The following TMEM120B variants were observed in gnomAD, a reference collection of about 807,000 sequenced individuals.
TMEM120B encodes the protein transmembrane protein 120B.
A neutral mutation model predicts 55.5 loss-of-function variants in TMEM120B; 31 were observed. The observed-to-expected ratio is 0.56, with a 90% confidence interval of 0.42 to 0.75. The LOEUF is 0.75. Ranked by LOEUF, TMEM120B falls within the 30% of genes least tolerant of loss-of-function variation. The pLI is 0.00. For missense variants in TMEM120B, 399 were observed against 425.5 expected, an observed-to-expected ratio of 0.94 and a Z score of 0.55; for synonymous variants, 203 against 176.3, an observed-to-expected ratio of 1.15 and a Z score of -1.20.
chr12:121,770,054 C>A (rs998870532), intron 6 of TMEM120B, among the ~76,000 whole-genome samples: 1 of 152,128 alleles, frequency 6.6e-6, no homozygotes, highest in African/African-American at 2.4e-5. Context: ...GGTCTTGGAG[C>A]AGAGAGAGCA....
intron 1 of TMEM120B, among the ~76,000 whole-genome samples, chr12:121,721,288 C>T (rs1439654927): frequency 2.6e-5 from 4 of 151,696 alleles, no homozygotes; most frequent in Non-Finnish European, 4.4e-5. Context: ...AAGTGATTCT[C>T]CCTCTTCAGC....
At chr12:121,744,052 CTTTTT>C (rs535863726) in intron 2 of TMEM120B, among the ~76,000 whole-genome samples, 14 of 138,034 alleles carry the variant, frequency 1.0e-4, no homozygotes, top group African/African-American at 3.4e-4. Flanking sequence ...GAGTGTCTCT[CTTTTT>C]TTTTTTTTTT....
intron 1 of TMEM120B, among the ~76,000 whole-genome samples, chr12:121,716,636 C>T (rs1339615367): frequency 3.5e-5 from 5 of 142,270 alleles, no homozygotes; most frequent in African/African-American, 1.3e-4. Context: ...AATCTTGGCT[C>T]ACTGCAACCT....
chr12:121,751,735 T>C (rs1276564041), intron 4 of TMEM120B, among the ~76,000 whole-genome samples: 1 of 147,120 alleles, frequency 6.8e-6, no homozygotes, highest in Non-Finnish European at 1.5e-5. Context: ...ATGGCCCTGC[T>C]CTGTTTCACG....
At chr12:121,744,989 C>T (rs191026555) in intron 2 of TMEM120B, among the ~76,000 whole-genome samples, 2 of 152,280 alleles carry the variant, frequency 1.3e-5, no homozygotes, top group Admixed American at 6.5e-5. Flanking sequence ...GATTGCTTCA[C>T]AGATGGGCAC....
At chr12:121,740,377 G>A (rs1160442881) in intron 1 of TMEM120B, among the ~76,000 whole-genome samples, 1 of 151,762 alleles carries the variant, frequency 6.6e-6, no homozygotes. Context: ...CCAGCTACTC[G>A]GGAGGCTGAG....
intron 1 of TMEM120B, among the ~76,000 whole-genome samples, chr12:121,730,831 G>A (rs894557013): frequency 6.6e-6 from 1 of 151,160 alleles, no homozygotes; most frequent in Admixed American, 6.6e-5. Flanking sequence ...GGTGGCACAT[G>A]CCTGTAATCC....
At position 121,780,932 on chromosome 12, in the gene TMEM120B, C is replaced by T; in HGVS notation, c.*5210C>T. 7 of 1,614,068 alleles carry T rather than the reference C, an allele frequency of 4.3e-6. No individual in the cohort carries two copies. Among genetic ancestry groups the T allele is most frequent in the Non-Finnish European group, 5.9e-6 (7 of 1,179,982 alleles). On this transcript the variant is annotated 3_prime_UTR_variant, in exon 12 of 12. Transcript: ENST00000449592. ...GGAGCTTCCGCAGCTGCTCCTTGTC[C>T]TTCCTCAGGTCTGTCTTGCAGCCGA...
chr12:121,769,799 A>C (rs1005167249), intron 6 of TMEM120B, among the ~76,000 whole-genome samples: 2 of 151,966 alleles, frequency 1.3e-5, no homozygotes, highest in African/African-American at 4.8e-5. Flanking sequence ...TCACAGATAG[A>C]CTGGTGAACA....
chr12:121,746,188 C>T (rs552953468), intron 2 of TMEM120B, among the ~76,000 whole-genome samples: 5 of 148,376 alleles, frequency 3.4e-5, no homozygotes, highest in Non-Finnish European at 5.9e-5. Context: ...ACCGCCCCCC[C>T]ACTTTTTTTT....
In TMEM120B at chr12:121,748,324, A is replaced by AT. The variant is rs767500008; in HGVS notation, c.189-2_189-1insT. ...CCCCTGTGCCTGCATCTCTGTCCGC[A>AT]GGTGCAAACGCCATGCCAGTCGGGA... On this transcript the variant is annotated splice_acceptor_variant, in intron 2 of 11. Coordinates refer to ENST00000449592, the MANE Select transcript of TMEM120B (RefSeq NM_001080825.2). LOFTEE classifies it high-confidence loss of function. The AT allele has an allele frequency of 6.2e-7, 1 of 1,608,656 alleles. No homozygotes were observed. The highest frequency in any genetic ancestry group is 8.5e-7 in the Non-Finnish European group (1 of 1,176,904).
rs71453575 is a variant in TMEM120B at position 121,776,801 on chromosome 12, CTT to C, written c.*1091_*1092del. 9.5e-5 allele frequency: 14 copies of C among 147,190 alleles called. No individual in the cohort carries two copies. The highest frequency in any genetic ancestry group is 1.7e-4 in the African/African-American group (7 of 40,276). The allele number at this position is 147,190 out of a possible 1,614,324, so 9.1% of individuals were successfully genotyped here. On this transcript the variant is annotated 3_prime_UTR_variant, in exon 12 of 12. Coordinates refer to ENST00000449592, the MANE Select transcript of TMEM120B (RefSeq NM_001080825.2). ...CAAGGAATTTTAAAATTTTTAATTA[CTT>C]TTTTTTTTTTTGAGACAGGGTCTGT...
chr12:121,724,211 G>C (rs1373872123), intron 1 of TMEM120B, among the ~76,000 whole-genome samples: 1 of 151,688 alleles, frequency 6.6e-6, no homozygotes, highest in Non-Finnish European at 1.5e-5. Context: ...CTAATTTTTT[G>C]TATTTTTAGT....
chr12:121,745,016 C>T (rs1249395752), intron 2 of TMEM120B, among the ~76,000 whole-genome samples: 2 of 152,180 alleles, frequency 1.3e-5, no homozygotes, highest in African/African-American at 4.8e-5. Context: ...AACCCCAGCA[C>T]TATTGATGGG....
intron 1 of TMEM120B, among the ~76,000 whole-genome samples, chr12:121,718,746 C>A (rs961647007): frequency 6.6e-6 from 1 of 152,128 alleles, no homozygotes; most frequent in Non-Finnish European, 1.5e-5. Flanking sequence ...ACACAATGCA[C>A]TATCAGGACT....
rs752447636 is a variant in TMEM120B at position 121,723,067 on chromosome 12, C to CA, written c.69+10106dup. Among the ~76,000 whole-genome samples, 14 of 152,130 alleles carry CA rather than the reference C, an allele frequency of 9.2e-5. No homozygotes were observed. The East Asian group carries it at 2.7e-3, about 29-fold the overall frequency. ...TTCTCCATGTTAGTCAGGCTGGTCT[C>CA]AAACTCCTGACCTCAGGTGATCCGC... On this transcript the variant is annotated intron_variant, in intron 1 of 11. Transcript: ENST00000449592.
intron 3 of TMEM120B, among the ~76,000 whole-genome samples, chr12:121,749,175 A>G (rs77691663): frequency 0.087 from 13,294 of 152,202 alleles, 1,056 homozygotes; most frequent in African/African-American, 0.21. Flanking sequence ...TAGCCCTGTT[A>G]TATTTTAACC....
At chr12:121,719,315 T>G (rs1592921996) in intron 1 of TMEM120B, among the ~76,000 whole-genome samples, 1 of 150,638 alleles carries the variant, frequency 6.6e-6, no homozygotes, top group Non-Finnish European at 1.5e-5. Context: ...GTTGGCTGGG[T>G]GTAGTGGCCT....
chr12:121,723,207 G>A (rs1418145727), intron 1 of TMEM120B, among the ~76,000 whole-genome samples: 1 of 152,020 alleles, frequency 6.6e-6, no homozygotes, highest in Non-Finnish European at 1.5e-5. Context: ...TAACTCCATC[G>A]TTCAGGCTGA....
Sources: allele counts gnomAD v4.1 joint callset (sites outside exome capture counted in the v4.1 genomes callset), GRCh38; gene constraint gnomAD v4.1.1; transcripts MANE v1.5; gene names NCBI Gene and HGNC (gene_info 2026-07-23, HGNC 2026-07-21).